Variants in DENND1A observed in about 807,000 individuals in gnomAD.
The protein encoded by DENND1A is DENN domain containing 1A, also known as DENN domain-containing protein 1A.
DENND1A carries 51 observed loss-of-function variants against 113.7 expected under a neutral mutation model. The ratio of observed to expected loss-of-function variants is 0.45; its 90% CI spans 0.36 to 0.57. DENND1A has a LOEUF of 0.57. Ranked by LOEUF, DENND1A falls within the 20% of genes least tolerant of loss-of-function variation. The probability of loss-of-function intolerance (pLI) is 0.00; values close to 1 mark genes in which losing one functional copy is unlikely to be tolerated. For missense variants in DENND1A, 1,258 were observed against 1,395.9 expected (o/e 0.90, Z 1.57); for synonymous variants, 565 against 570.8 (o/e 0.99, Z 0.14).
intron 5 of DENND1A, among the ~76,000 whole-genome samples, chr9:123,740,729 G>A (rs1336347775): frequency 6.6e-6 from 1 of 152,116 alleles, no homozygotes; most frequent in African/African-American, 2.4e-5. Context: ...AGGATCAGAT[G>A]AGACAGGTTA....
chr9:123,816,085 C>T lies in DENND1A; in HGVS notation c.89-23455G>A, dbSNP rs1040788275. ...GCACAATCCTGGCTCACTGTAACCT[C>T]GACCTCCTGGGCTCAAGCGGTCCTC... is the stretch of plus-strand genomic sequence containing the variant. On this transcript the variant is annotated intron_variant, in intron 2 of 23. Coordinates refer to ENST00000394215, the MANE Select transcript of DENND1A (RefSeq NM_001352964.2). Among the ~76,000 whole-genome samples the T allele has an allele frequency of 8.0e-5, 12 of 149,684 alleles. No individual in the cohort carries two copies. The South Asian group carries it at 1.7e-3, about 21-fold the overall frequency.
chr9:123,682,552 TC>T (rs1416763273), intron 5 of DENND1A, among the ~76,000 whole-genome samples: 10 of 151,982 alleles, frequency 6.6e-5, no homozygotes. Flanking sequence ...TTTAAAGCCT[TC>T]CTATTAAAAC....
intron 4 of DENND1A, among the ~76,000 whole-genome samples, chr9:123,758,359 T>C (rs1194144210): frequency 6.6e-6 from 1 of 152,186 alleles, no homozygotes; most frequent in Non-Finnish European, 1.5e-5. Context: ...ACATCATATA[T>C]GCGTAGACCA....
intron 11 of DENND1A, among the ~76,000 whole-genome samples, chr9:123,587,556 T>C (rs1316995205): frequency 2.6e-5 from 4 of 152,208 alleles, no homozygotes; most frequent in Non-Finnish European, 5.9e-5. Flanking sequence ...CTTATCCATA[T>C]GGACAGGCGT....
chr9:123,392,936 A>C (rs2042931822), intron 21 of DENND1A, among the ~76,000 whole-genome samples: 1 of 152,140 alleles, frequency 6.6e-6, no homozygotes, highest in Admixed American at 6.5e-5. Flanking sequence ...TTCCTGAGTT[A>C]CTTCACTGAG....
rs138918646 is a variant in DENND1A, at chr9:123,812,466, T to A, written c.89-19836A>T. ...AAAGATGCTATGAACATTCTTGATA[T>A]GACACTTTGTACACAAATGAGAATT... On this transcript the variant is annotated intron_variant, in intron 2 of 23. Coordinates refer to ENST00000394215, the MANE Select transcript of DENND1A (RefSeq NM_001352964.2). Among the ~76,000 whole-genome samples, 1,252 of 152,172 alleles carry A rather than the reference T, an allele frequency of 8.2e-3. 8 individuals are homozygous for A. Among genetic ancestry groups the A allele is most frequent in the Non-Finnish European group, 0.011 (765 of 67,984 alleles).
chr9:123,526,557 G>T (rs886247471), intron 13 of DENND1A, among the ~76,000 whole-genome samples: 3 of 152,138 alleles, frequency 2.0e-5, no homozygotes, highest in Non-Finnish European at 4.4e-5. Flanking sequence ...GGCTTGTCTG[G>T]ACTCTACCTC....
chr9:123,741,821 G>C (rs936680910), intron 5 of DENND1A, among the ~76,000 whole-genome samples: 1 of 152,144 alleles, frequency 6.6e-6, no homozygotes, highest in Admixed American at 6.5e-5. Flanking sequence ...ATAGCACAAC[G>C]CTGACAAAAA....
intron 23 of DENND1A, among the ~76,000 whole-genome samples, chr9:123,383,242 T>C (rs752301160): frequency 2.0e-5 from 3 of 152,218 alleles, no homozygotes; most frequent in Non-Finnish European, 4.4e-5. Context: ...GACGTCACAG[T>C]GGGAATTACA....
chr9:123,429,597 G>T lies in DENND1A; in HGVS notation c.1488+10763C>A, dbSNP rs533599385. On this transcript the variant is annotated intron_variant, in intron 19 of 23. Coordinates refer to ENST00000394215, the MANE Select transcript of DENND1A (RefSeq NM_001352964.2). ...AAAACCCAAAAAGCAATGGGGAAAG[G>T]ATTCCCTATTTAACAAATGGTGCTG... Among the ~76,000 whole-genome samples, 4 of 152,220 alleles carry T rather than the reference G, an allele frequency of 2.6e-5. No individual in the cohort carries two copies. The East Asian group carries it at 7.7e-4, about 29-fold the overall frequency.
chr9:123,866,184 C>T (rs1845778757), intron 2 of DENND1A, among the ~76,000 whole-genome samples: 1 of 152,186 alleles, frequency 6.6e-6, no homozygotes, highest in Non-Finnish European at 1.5e-5. Context: ...GGGCTAAATA[C>T]ACACAAACTT....
chr9:123,612,172 C>T (rs2060448719), intron 10 of DENND1A, among the ~76,000 whole-genome samples: 2 of 152,200 alleles, frequency 1.3e-5, no homozygotes, highest in Admixed American at 1.3e-4. Flanking sequence ...TTCCCTGAAT[C>T]TACTGCATGT....
chr9:123,818,144 A>G (rs1837811601), intron 2 of DENND1A, among the ~76,000 whole-genome samples: 1 of 152,072 alleles, frequency 6.6e-6, no homozygotes, highest in South Asian at 2.1e-4. Context: ...GCTGTCGCCC[A>G]GGCTGGAGTG....
intron 4 of DENND1A, among the ~76,000 whole-genome samples, chr9:123,766,381 C>T (rs914386627): frequency 3.3e-5 from 5 of 152,128 alleles, no homozygotes; most frequent in Admixed American, 2.6e-4. Flanking sequence ...CCGTTATCCC[C>T]CATATTACCC....
At chr9:123,660,184 G>A (rs2063159476) in intron 8 of DENND1A, among the ~76,000 whole-genome samples, 1 of 152,148 alleles carries the variant, frequency 6.6e-6, no homozygotes, top group African/African-American at 2.4e-5. Context: ...ACGGGGCTCA[G>A]GTCTACCCCT....
intron 18 of DENND1A, among the ~76,000 whole-genome samples, chr9:123,447,329 G>A (rs2047378825): frequency 6.6e-6 from 1 of 152,204 alleles, no homozygotes; most frequent in African/African-American, 2.4e-5. Flanking sequence ...AGCAGAGCAG[G>A]TATGGAATAA....
At chr9:123,796,498 A>C (rs1185536814) in intron 2 of DENND1A, among the ~76,000 whole-genome samples, 1 of 152,154 alleles carries the variant, frequency 6.6e-6, no homozygotes, top group African/African-American at 2.4e-5. Context: ...TCTACTATAC[A>C]TACTTTTAAA....
intron 5 of DENND1A, among the ~76,000 whole-genome samples, chr9:123,702,663 A>C (rs1331698139): frequency 1.3e-5 from 2 of 152,222 alleles, no homozygotes; most frequent in Non-Finnish European, 1.5e-5. Flanking sequence ...ATATATTTAT[A>C]GTGCTGAAGG....
intron 13 of DENND1A, among the ~76,000 whole-genome samples, chr9:123,483,695 C>T (rs994345367): frequency 1.3e-5 from 2 of 152,238 alleles, no homozygotes; most frequent in African/African-American, 4.8e-5. Flanking sequence ...TGGGCTGAGA[C>T]TCCTGGCTCT....
Sources: allele counts gnomAD v4.1 joint callset (sites outside exome capture counted in the v4.1 genomes callset), GRCh38; gene constraint gnomAD v4.1.1; transcripts MANE v1.5; gene names NCBI Gene and HGNC (gene_info 2026-07-23, HGNC 2026-07-21).